Variants in ATXN8OS observed in about 807,000 individuals in gnomAD.
The protein encoded by ATXN8OS is ATXN8 opposite strand lncRNA.
At chr13:70,112,920 A>ATATTTTTT (rs1555298511) in intron 1 of ATXN8OS, among the ~76,000 whole-genome samples, 21 of 87,574 alleles carry the variant, frequency 2.4e-4, no homozygotes, top group Non-Finnish European at 4.1e-4. Context: ...TATATATATA[A>ATATTTTTT]TTTTTTTTTT....
At chr13:70,138,067 T>A (rs888287138) in intron 3 of ATXN8OS, among the ~76,000 whole-genome samples, 1 of 152,210 alleles carries the variant, frequency 6.6e-6, no homozygotes, top group African/African-American at 2.4e-5. Context: ...TCCGCCCACG[T>A]GATCCAATCA....
In ATXN8OS at chr13:70,153,014, CTGTGTGTGTGTGTG is replaced by C. The variant is rs66574752; in HGVS notation, n.573+5614_573+5627del. ...GAGTTAGAGAATGAATAAGAAAAAA[CTGTGTGTGTGTGTG>C]TGTGTGTGTGTGTGTGTGTGTGTGT... is the stretch of plus-strand genomic sequence containing the variant. On this transcript the variant is annotated intron_variant and non_coding_transcript_variant, in intron 4 of 4. Transcript: ENST00000678624. Among the ~76,000 whole-genome samples the C allele has an allele frequency of 5.7e-4, 81 of 141,806 alleles. 1 individual carries two copies. The highest frequency in any genetic ancestry group is 1.8e-3 in the African/African-American group (67 of 37,790). The allele number at this position is 141,806 out of a possible 152,430, so 93.0% of individuals were successfully genotyped here. A position where few individuals can be genotyped will look rare whatever the true frequency, so the allele number is the denominator to read the frequency against.
At chr13:70,155,796 A>AC (rs1364808037) in intron 4 of ATXN8OS, among the ~76,000 whole-genome samples, 4 of 128,392 alleles carry the variant, frequency 3.1e-5, no homozygotes, top group African/African-American at 1.4e-4. Flanking sequence ...CAAAACTGAG[A>AC]CAAAAAAAAA....
intron 4 of ATXN8OS, among the ~76,000 whole-genome samples, chr13:70,153,516 A>G (rs542055998): frequency 6.6e-6 from 1 of 152,218 alleles, no homozygotes; most frequent in Non-Finnish European, 1.5e-5. Flanking sequence ...TGGAGGTTGC[A>G]GTGAGCCAAC....
chr13:70,161,505 G>A (rs1889008483), intron 4 of ATXN8OS, among the ~76,000 whole-genome samples: 1 of 151,934 alleles, frequency 6.6e-6, no homozygotes, highest in Non-Finnish European at 1.5e-5. Flanking sequence ...CCTTCTTTCT[G>A]TACTTAAGCA....
intron 4 of ATXN8OS, among the ~76,000 whole-genome samples, chr13:70,157,325 A>T (rs990676427): frequency 3.3e-5 from 5 of 152,156 alleles, no homozygotes; most frequent in Non-Finnish European, 7.4e-5. Flanking sequence ...TTTAAAAATA[A>T]AGAACATAAT....
chr13:70,107,644 C>A, upstream of ATXN8OS: 14 of 1,554,602 alleles, frequency 9.0e-6, no homozygotes, highest in Non-Finnish European at 1.1e-5. Flanking sequence ...GAAGAGTTTC[C>A]AGCGGAGTCG....
At chr13:70,140,989 A>G (rs1339861587) in intron 3 of ATXN8OS, among the ~76,000 whole-genome samples, 1 of 152,166 alleles carries the variant, frequency 6.6e-6, no homozygotes, top group Non-Finnish European at 1.5e-5. Context: ...ACTGAGTCTC[A>G]TTCCTACCAT....
chr13:70,125,937 A>T (rs1024102800), intron 2 of ATXN8OS, among the ~76,000 whole-genome samples: 4 of 152,118 alleles, frequency 2.6e-5, no homozygotes, highest in African/African-American at 9.7e-5. Context: ...CAGGGGTACA[A>T]ATATGCCTGT....
chr13:70,126,660 G>T (rs1364479828), intron 2 of ATXN8OS, among the ~76,000 whole-genome samples: 2 of 150,452 alleles, frequency 1.3e-5, no homozygotes, highest in Non-Finnish European at 3.0e-5. Flanking sequence ...TATATCTATA[G>T]GCAGATAGCT....
intron 4 of ATXN8OS, among the ~76,000 whole-genome samples, chr13:70,166,197 C>T (rs1196246876): frequency 1.3e-5 from 2 of 151,916 alleles, no homozygotes; most frequent in African/African-American, 2.4e-5. Context: ...AAAAAGAGCC[C>T]TCATTGCCAA....
chr13:70,159,317 A>G (rs9542193), intron 4 of ATXN8OS, among the ~76,000 whole-genome samples: 9,611 of 151,786 alleles, frequency 0.063, 417 homozygotes, highest in Non-Finnish European at 0.1. Context: ...CTTTTTTATT[A>G]TTGCTAGTGA....
At chr13:70,145,198 C>T (rs909384276) in intron 3 of ATXN8OS, among the ~76,000 whole-genome samples, 1 of 151,958 alleles carries the variant, frequency 6.6e-6, no homozygotes, top group African/African-American at 2.4e-5. Context: ...CTGTTCTGTT[C>T]CATTGATCTA....
At chr13:70,123,837 A>G (rs1315436117) in intron 2 of ATXN8OS, among the ~76,000 whole-genome samples, 1 of 152,110 alleles carries the variant, frequency 6.6e-6, no homozygotes, top group Non-Finnish European at 1.5e-5. Context: ...GTATTTATTT[A>G]AGATCAGAAT....
chr13:70,162,080 T>C (rs939389666), intron 4 of ATXN8OS, among the ~76,000 whole-genome samples: 8 of 151,788 alleles, frequency 5.3e-5, no homozygotes, highest in African/African-American at 1.9e-4. Context: ...GGTAAGAGAA[T>C]AAAGGAGAAA....
intron 3 of ATXN8OS, among the ~76,000 whole-genome samples, chr13:70,134,039 ATTTTTAT>A (rs1006331231): frequency 7.2e-5 from 11 of 152,096 alleles, no homozygotes; most frequent in East Asian, 1.9e-4. Flanking sequence ...GTTGTGTTTT[ATTTTTAT>A]TTTTTATTTT....
chr13:70,108,079 C>T (rs532762265), intron 1 of ATXN8OS: 2 of 414,896 alleles, frequency 4.8e-6, no homozygotes, highest in African/African-American at 2.1e-5. Context: ...CTCCGAAGCT[C>T]CGGAGGCGGC....
chr13:70,153,447 C>T (rs942884398), intron 4 of ATXN8OS, among the ~76,000 whole-genome samples: 4 of 152,076 alleles, frequency 2.6e-5, no homozygotes, highest in East Asian at 1.9e-4. Flanking sequence ...TGGCAGTGTG[C>T]GCCTGTGATC....
chr13:70,107,478 G>A, upstream of ATXN8OS: 1 of 1,614,032 alleles, frequency 6.2e-7, no homozygotes, highest in Admixed American at 1.7e-5. Context: ...AAGAGGAAGA[G>A]GAGGAAGGCT....
Sources: gnomAD v4.1 joint callset for allele counts (sites outside exome capture counted in the v4.1 genomes callset) on GRCh38, gnomAD v4.1.1 for gene constraint, MANE v1.5 for transcripts, NCBI Gene and HGNC (gene_info 2026-07-23, HGNC 2026-07-21) for gene names.